Variants in DNAH8 observed in about 807,000 individuals in gnomAD.
DNAH8 encodes dynein axonemal heavy chain 8.
In DNAH8, 382 loss-of-function variants were observed where a neutral mutation model predicts 562.1. The ratio of observed to expected loss-of-function variants is 0.68; its 90% CI spans 0.63 to 0.74. The LOEUF is 0.74. DNAH8 is among the 30% of genes least tolerant of loss of function. The pLI, the probability that DNAH8 is intolerant of heterozygous loss-of-function variation, is 0.00. For synonymous variants in DNAH8, 1,881 were observed against 1,919.4 expected, an observed-to-expected ratio of 0.98 and a Z score of 0.52; for missense variants, 5,203 against 5,620.4, an observed-to-expected ratio of 0.93 and a Z score of 2.37.
In DNAH8 at chr6:38,803,226, T is replaced by A; in HGVS notation, c.2949T>A (p.His983Gln). The change falls in exon 22 of 93, where the codon CAT becomes CAA. Residue 983 changes from histidine to glutamine, a missense_variant. His to Gln is a conservative substitution (Grantham distance 24, BLOSUM62 0). Coordinates refer to ENST00000327475, the MANE Select transcript of DNAH8 (RefSeq NM_001206927.2). ...ACATTCTAAACCACAAAAGTAAGCA[T>A]GTGGAAGAAGCTGTCAGAGAACTTA... ...WADILNHKSK[H>Q]VEEAVRELIS... 1 of 1,609,740 alleles carries A rather than the reference T, an allele frequency of 6.2e-7. No individual in the cohort carries two copies. The highest frequency in any genetic ancestry group is 1.1e-5 in the South Asian group (1 of 90,122).
At chr6:38,774,015 A>AGT (rs1219414018) in intron 12 of DNAH8, among the ~76,000 whole-genome samples, 2 of 152,236 alleles carry the variant, frequency 1.3e-5, no homozygotes, top group African/African-American at 2.4e-5. Flanking sequence ...AGAAGGCTCT[A>AGT]GTGTGTCAGT....
intron 54 of DNAH8, 37 bp downstream of exon 54, chr6:38,883,089 C>T (rs763643381): frequency 1.3e-6 from 2 of 1,510,538 alleles, no homozygotes; most frequent in South Asian, 1.4e-5. Context: ...TGATCACAAA[C>T]CATCCATGGC....
At chr6:38,967,933 T>C (rs1204090396) in intron 82 of DNAH8, among the ~76,000 whole-genome samples, 2 of 152,154 alleles carry the variant, frequency 1.3e-5, no homozygotes, top group Non-Finnish European at 2.9e-5. Context: ...ATATATATCA[T>C]TGCAAAGAAT....
intron 91 of DNAH8, among the ~76,000 whole-genome samples, chr6:39,016,315 G>T (rs1394601867): frequency 6.6e-6 from 1 of 152,134 alleles, no homozygotes; most frequent in African/African-American, 2.4e-5. Flanking sequence ...ACTTTGGGAG[G>T]CCGAGGCGGG....
chr6:38,715,913 A>T (rs867639089), intron 1 of DNAH8, among the ~76,000 whole-genome samples: 15 of 43,674 alleles, frequency 3.4e-4, no homozygotes, highest in African/African-American at 2.4e-3. Context: ...AAAATAAATA[A>T]ATAAATAAAT....
chr6:38,777,689 C>T (rs186330992), intron 13 of DNAH8, among the ~76,000 whole-genome samples: 2 of 152,134 alleles, frequency 1.3e-5, no homozygotes, highest in South Asian at 2.1e-4. Context: ...CATCTCCCCC[C>T]ACAAAAGGCT....
Position 38,862,319 on chromosome 6 carries a change from G to A in DNAH8, c.6171G>A (p.Met2057Ile), listed in dbSNP as rs774746325. The change falls in exon 44 of 93, where the codon ATG becomes ATA. Residue 2057 changes from methionine (M) to isoleucine (I), a missense_variant. Met to Ile is a conservative substitution (Grantham distance 10, BLOSUM62 1). Transcript: ENST00000327475. ...ITLAQALGMN[M>I]GGAPAGPAGT... ...TAGCTCAGGCCTTGGGCATGAACATGGGAGGTGCTCCCGCAGGACCTGCTG... is the reference window on the plus strand; with the variant it reads ...TAGCTCAGGCCTTGGGCATGAACATAGGAGGTGCTCCCGCAGGACCTGCTG... The A allele has an allele frequency of 6.3e-5, 101 of 1,613,988 alleles. 2 individuals are homozygous for A. The South Asian group carries it at 1.1e-3, about 17-fold the overall frequency.
At chr6:38,907,412 C>T (rs1780563559) in intron 63 of DNAH8, among the ~76,000 whole-genome samples, 1 of 152,120 alleles carries the variant, frequency 6.6e-6, no homozygotes, top group African/African-American at 2.4e-5. Context: ...AGATGTTTGC[C>T]ATGTATCACA....
chr6:38,957,611 C>A (rs1762328607), intron 82 of DNAH8, among the ~76,000 whole-genome samples: 1 of 150,696 alleles, frequency 6.6e-6, no homozygotes, highest in Admixed American at 6.6e-5. Context: ...TTAAAAAAAA[C>A]TGGAAACCTA....
chr6:38,725,260 A>T (rs970685745), intron 3 of DNAH8, among the ~76,000 whole-genome samples: 4 of 150,224 alleles, frequency 2.7e-5, no homozygotes, highest in African/African-American at 9.8e-5. Context: ...CCGAGACTGT[A>T]CCACTGCACT....
At chr6:38,779,360 T>C (rs991211817) in intron 14 of DNAH8, among the ~76,000 whole-genome samples, 1 of 152,186 alleles carries the variant, frequency 6.6e-6, no homozygotes, top group Non-Finnish European at 1.5e-5. Flanking sequence ...CTTCTGTCTC[T>C]GTCTCTCTAT....
At chr6:38,955,461 T>A (rs1038328413) in intron 82 of DNAH8, among the ~76,000 whole-genome samples, 5 of 151,950 alleles carry the variant, frequency 3.3e-5, no homozygotes, top group African/African-American at 2.4e-5. Flanking sequence ...CAAAACCCCA[T>A]GTCTACTAAA....
Position 38,866,685 on chromosome 6 carries a change from C to G in DNAH8, c.6585+8C>G. ...ATGGTTCCTGATAGACAGGTATGCA[C>G]TAGGATTTAAAAGCATAATGTGCTT... On this transcript the variant is annotated splice_region_variant and intron_variant, in intron 46 of 92. Transcript: ENST00000327475. 1 of 1,609,492 alleles carries G rather than the reference C, an allele frequency of 6.2e-7. No individual in the cohort carries two copies. The highest frequency in any genetic ancestry group is 8.5e-7 in the Non-Finnish European group (1 of 1,177,178).
chr6:38,787,621 G>A (rs1005273922), intron 18 of DNAH8, among the ~76,000 whole-genome samples: 14 of 150,172 alleles, frequency 9.3e-5, no homozygotes, highest in Admixed American at 4.7e-4. Flanking sequence ...GCCTAAACCC[G>A]GGAGGTGGAG....
At chr6:38,984,135 G>A (rs558840247) in intron 86 of DNAH8, 71 bp from the exon 87 acceptor site, 1 of 870,144 alleles carries the variant, frequency 1.1e-6, no homozygotes, top group African/African-American at 1.7e-5. Flanking sequence ...TTCCTCTAGG[G>A]AAAGACCCGA....
intron 83 of DNAH8, 32 bp downstream of exon 83, chr6:38,971,697 A>T (rs1316923416): frequency 6.6e-7 from 1 of 1,509,210 alleles, no homozygotes; most frequent in Non-Finnish European, 9.0e-7. Flanking sequence ...CTGCTGCAAC[A>T]TTATTGCTAG....
Position 38,907,976 on chromosome 6 carries a change from A to G in DNAH8, c.9369A>G (p.Arg3123=), listed in dbSNP as rs4452640. ...TAAAGATCTCCAACTTGTTTGCACG[A>G]GATGAGATGGATGAAATCACCCAAG... ...SSGEISNLFA[R]DEMDEITQGL... The change falls in exon 64 of 93, where the codon CGA becomes CGG. Residue 3123 remains arginine, a synonymous_variant. Transcript: ENST00000327475. The G allele has an allele frequency of 0.04, 64,588 of 1,606,560 alleles. 3,169 individuals are homozygous for G. Among genetic ancestry groups the G allele is most frequent in the East Asian group, 0.28 (12,210 of 44,400 alleles).
At chr6:38,870,622 T>C in intron 49 of DNAH8, 60 bp downstream of exon 49, 2 of 1,501,082 alleles carry the variant, frequency 1.3e-6, no homozygotes, top group Admixed American at 2.0e-5. Context: ...CATTCCTGTC[T>C]GAATAGAAAA....
Position 38,848,667 on chromosome 6 carries a change from A to G in DNAH8, c.5065A>G (p.Lys1689Glu), listed in dbSNP as rs747790182. The G allele has an allele frequency of 6.2e-7, 1 of 1,610,938 alleles. No individual in the cohort carries two copies. The highest frequency in any genetic ancestry group is 8.5e-7 in the Non-Finnish European group (1 of 1,177,740). ...LSNRYNAPFK[K>E]NIQNWVYKLS... Reference sequence around the variant, plus strand: ...TTTTAGATACAATGCTCCATTTAAAAAAAATATCCAGAATTGGGTGTATAA... The same window carrying G: ...TTTTAGATACAATGCTCCATTTAAAGAAAATATCCAGAATTGGGTGTATAA... The change falls in exon 37 of 93, where the codon AAA (lysine) becomes GAA (glutamate). Residue 1689 changes from lysine (K) to glutamate (E), a missense_variant. Lys to Glu is a moderately conservative substitution (Grantham distance 56). Around this residue, in one of 6 missense-constraint regions of DNAH8, gnomAD observed 2,176 missense variants for 2,365.1 expected, o/e 0.92. Coordinates refer to ENST00000327475, the MANE Select transcript of DNAH8 (RefSeq NM_001206927.2).
Sources: allele counts gnomAD v4.1 joint callset (sites outside exome capture counted in the v4.1 genomes callset), GRCh38; gene constraint gnomAD v4.1.1; regional missense constraint gnomAD v4.1.1; transcripts MANE v1.5; gene names NCBI Gene and HGNC (gene_info 2026-07-23, HGNC 2026-07-21).